The following SLC9A2 variants were observed in gnomAD, a reference collection of about 807,000 sequenced individuals.
SLC9A2 encodes the protein sodium/hydrogen exchanger 2.
In SLC9A2, 42 loss-of-function variants were observed where a neutral mutation model predicts 71.7. The ratio of observed to expected loss-of-function variants is 0.59; its 90% CI spans 0.46 to 0.76. SLC9A2 has a LOEUF of 0.76. Among genes scored for constraint, SLC9A2 ranks in the 30% least tolerant of loss-of-function variants. SLC9A2 has a pLI of 0.00. For missense variants in SLC9A2, 829 were observed against 1,017.4 expected (o/e 0.81, Z 2.52); for synonymous variants, 396 against 392.5 (o/e 1.01, Z -0.10).
intron 3 of SLC9A2, among the ~76,000 whole-genome samples, chr2:102,682,351 G>A (rs529623168): frequency 3.9e-5 from 6 of 152,320 alleles, no homozygotes; most frequent in African/African-American, 1.4e-4. Context: ...CAAGAAGACA[G>A]TAAAGAACAA....
chr2:102,638,544 C>T (rs1472399216), intron 1 of SLC9A2, among the ~76,000 whole-genome samples: 1 of 152,184 alleles, frequency 6.6e-6, no homozygotes, highest in Non-Finnish European at 1.5e-5. Flanking sequence ...ACAATGAGTT[C>T]ATCGTCTGTG....
intron 1 of SLC9A2, among the ~76,000 whole-genome samples, chr2:102,634,710 C>T (rs1207480892): frequency 6.6e-6 from 1 of 152,142 alleles, no homozygotes; most frequent in Non-Finnish European, 1.5e-5. Flanking sequence ...TTAAAAAAAT[C>T]ATTTTTTTTC....
chr2:102,672,971 G>C (rs17027690), intron 3 of SLC9A2, among the ~76,000 whole-genome samples: 1,822 of 151,862 alleles, frequency 0.012, 40 homozygotes, highest in African/African-American at 0.042. Flanking sequence ...TCTATATTAA[G>C]GTCTATAGGT....
chr2:102,691,003 C>T (rs543042716), intron 5 of SLC9A2, among the ~76,000 whole-genome samples: 61 of 147,718 alleles, frequency 4.1e-4, no homozygotes, highest in African/African-American at 1.5e-3. Context: ...AAAGAATGCT[C>T]ATGACACTCA....
intron 1 of SLC9A2, among the ~76,000 whole-genome samples, chr2:102,635,035 T>C (rs1676442072): frequency 6.6e-6 from 1 of 152,232 alleles, no homozygotes; most frequent in African/African-American, 2.4e-5. Context: ...TCCTAGGCCT[T>C]TTGTGCTTTT....
chr2:102,702,355 G>T, intron 8 of SLC9A2, 51 bp from the exon 9 acceptor site: 1 of 993,116 alleles, frequency 1.0e-6, no homozygotes, highest in South Asian at 1.4e-5. Flanking sequence ...GAAAATCAAT[G>T]ATTCTAATAT....
At chr2:102,685,318 T>C (rs1194856642) in intron 5 of SLC9A2, among the ~76,000 whole-genome samples, 1 of 152,184 alleles carries the variant, frequency 6.6e-6, no homozygotes, top group Non-Finnish European at 1.5e-5. Context: ...TCTGGAGTCC[T>C]ACATCATGCA....
Position 102,703,456 on chromosome 2 carries a change from A to G in SLC9A2, c.1845+954A>G, listed in dbSNP as rs372347816. 1.2e-4 allele frequency among the ~76,000 whole-genome samples: 19 copies of G among 152,274 alleles called. No individual in the cohort carries two copies. The South Asian group carries it at 2.9e-3, about 23-fold the overall frequency. Reference sequence around the variant, plus strand: ...CTCACACCTTCCTGTCAGCTGGTCAAAAGCCTCCAGTTTTTAAGGCTCCCC... The same window carrying G: ...CTCACACCTTCCTGTCAGCTGGTCAGAAGCCTCCAGTTTTTAAGGCTCCCC... On this transcript the variant is annotated intron_variant, in intron 9 of 11. Transcript: ENST00000233969.
chr2:102,708,306 C>T lies in SLC9A2; in HGVS notation c.2256C>T (p.Ser752=). ...CCAGCACCCCCCCAACACCCCACAG[C>T]AGAGAAAAGGGCACCCAGACGTCAG... is the stretch of plus-strand genomic sequence containing the variant. ...DMPSTPPTPH[S]REKGTQTSGL... Residue 752 remains serine, a synonymous_variant, in exon 12 of 12, where the codon AGC becomes AGT. Coordinates refer to ENST00000233969, the MANE Select transcript of SLC9A2 (RefSeq NM_003048.6). The T allele has an allele frequency of 6.2e-7, 1 of 1,614,168 alleles. No homozygotes were observed. The highest frequency in any genetic ancestry group is 8.5e-7 in the Non-Finnish European group (1 of 1,180,020).
intron 3 of SLC9A2, among the ~76,000 whole-genome samples, chr2:102,670,455 T>C (rs1454734723): frequency 6.6e-6 from 1 of 152,036 alleles, no homozygotes; most frequent in African/African-American, 2.4e-5. Context: ...AAAATGGTGA[T>C]TAGTTTCATT....
Position 102,684,345 on chromosome 2 carries a change from AGTG to A in SLC9A2, c.1425+10_1425+12del. 1 of 1,610,384 alleles carries A rather than the reference AGTG, an allele frequency of 6.2e-7. No homozygotes were observed. Among genetic ancestry groups the A allele is most frequent in the Non-Finnish European group, 8.5e-7 (1 of 1,176,554 alleles). ...TTACTGTCTTCATTCTGGTAAGTAG[AGTG>A]ATCCCTTTACCAGGAGGGTAAAAAA... On this transcript the variant is annotated intron_variant, in intron 5 of 11. Coordinates refer to ENST00000233969, the MANE Select transcript of SLC9A2 (RefSeq NM_003048.6).
Position 102,619,773 on chromosome 2 carries a change from TGA to T in SLC9A2, c.-74_-73del. On this transcript the variant is annotated 5_prime_UTR_variant, in exon 1 of 12. Coordinates refer to ENST00000233969, the MANE Select transcript of SLC9A2 (RefSeq NM_003048.6). The surrounding 1 kb of genome is among the most constrained non-coding windows in gnomAD (Gnocchi z 4.3). ...CTGCACGGGGCAGGGCGGAGCGGGC[TGA>T]GCAGCCCGGGCGCGATGCGTTGAGC... The T allele has an allele frequency of 7.4e-7, 1 of 1,351,730 alleles. No individual in the cohort carries two copies. Among genetic ancestry groups the T allele is most frequent in the Non-Finnish European group, 9.7e-7 (1 of 1,027,442 alleles). 83.7% of individuals were successfully genotyped at this position (1,351,730 alleles called of 1,614,324 possible).
intron 9 of SLC9A2, 35 bp from the exon 10 acceptor site, chr2:102,704,509 T>A (rs373276256): frequency 6.3e-7 from 1 of 1,597,900 alleles, no homozygotes; most frequent in Admixed American, 1.7e-5. Flanking sequence ...TTTTTGTTTT[T>A]GTTTTTTAAT....
chr2:102,662,486 GT>G (rs1677067066), intron 2 of SLC9A2, among the ~76,000 whole-genome samples: 2 of 152,142 alleles, frequency 1.3e-5, no homozygotes, highest in African/African-American at 2.4e-5. Context: ...AGCACCAACA[GT>G]ACAAGATGCT....
chr2:102,657,333 T>C (rs1676963201), intron 1 of SLC9A2, among the ~76,000 whole-genome samples: 1 of 152,222 alleles, frequency 6.6e-6, no homozygotes, highest in African/African-American at 2.4e-5. Context: ...TGTGTACCTA[T>C]AGCACTCCAA....
chr2:102,687,783 A>T (rs1431736071), intron 5 of SLC9A2, among the ~76,000 whole-genome samples: 1 of 145,478 alleles, frequency 6.9e-6, no homozygotes, highest in Non-Finnish European at 1.5e-5. Context: ...TGTTTGGGGA[A>T]TTTTTTTTTT....
chr2:102,705,927 T>C lies in SLC9A2; in HGVS notation c.2059T>C (p.Ser687Pro). ...AAAGCTACAAAAGAGGAGGACTATT[T>C]CTATTGCAGGTAGTGAATATAGTTG... ...PEKLQKRRTI[S>P]IADGNSSDSD... Residue 687 changes from serine to proline, a missense_variant, in exon 11 of 12, where the codon TCT becomes CCT. Physicochemically the swap from Ser to Pro is moderately conservative, Grantham distance 74. This residue lies in a region of SLC9A2 where 223 missense variants were observed against 197.5 expected (regional missense o/e 1.13). Transcript: ENST00000233969. 6.3e-7 allele frequency: 1 copy of C among 1,590,838 alleles called. No homozygotes were observed. Among genetic ancestry groups the C allele is most frequent in the Non-Finnish European group, 8.6e-7 (1 of 1,164,214 alleles).
intron 5 of SLC9A2, among the ~76,000 whole-genome samples, chr2:102,692,592 G>T (rs1299166464): frequency 5.9e-5 from 9 of 152,126 alleles, no homozygotes; most frequent in South Asian, 2.1e-4. Context: ...GCCCTATTTT[G>T]TGCCAGTAAT....
rs935882318 is a variant in SLC9A2, at chr2:102,707,970, A to G, written c.2069-149A>G. ...GGGGTTATGTAAGATGCACAAGGCC[A>G]CTCACCTAAAATTAGCATAAGCCTG... On this transcript the variant is annotated intron_variant, in intron 11 of 11. Transcript: ENST00000233969. 9 of 775,222 alleles carry G rather than the reference A, an allele frequency of 1.2e-5. No homozygotes were observed. The East Asian group carries it at 2.2e-4, about 19-fold the overall frequency. 48.0% of individuals were successfully genotyped at this position (775,222 alleles called of 1,614,324 possible).
Sources: allele counts gnomAD v4.1 joint callset (sites outside exome capture counted in the v4.1 genomes callset), GRCh38; gene constraint gnomAD v4.1.1; regional missense constraint gnomAD v4.1.1; non-coding constraint Gnocchi (gnomAD v3.1); transcripts MANE v1.5; gene names NCBI Gene and HGNC (gene_info 2026-07-23, HGNC 2026-07-21).